The following RBM20 variants were observed in gnomAD, a reference collection of about 807,000 sequenced individuals.
RBM20 encodes the protein RNA-binding protein 20.
In RBM20, 51 loss-of-function variants were observed where a neutral mutation model predicts 110.1. That is an observed-to-expected ratio of 0.46 (90% CI 0.37 to 0.59). The LOEUF (loss-of-function observed/expected upper bound fraction) is 0.59, where lower values mean the gene tolerates loss of function less well. Ranked by LOEUF, RBM20 falls within the 20% of genes least tolerant of loss-of-function variation. The probability of loss-of-function intolerance (pLI) is 0.00; values close to 1 mark genes in which losing one functional copy is unlikely to be tolerated. For synonymous variants in RBM20, 589 were observed against 618.2 expected (o/e 0.95, Z 0.70); for missense variants, 1,512 against 1,574.9 (o/e 0.96, Z 0.68).
chr10:110,670,518 A>C (rs1486118709), intron 1 of RBM20, among the ~76,000 whole-genome samples: 1 of 152,196 alleles, frequency 6.6e-6, no homozygotes, highest in Non-Finnish European at 1.5e-5. Flanking sequence ...ATTTGTGGGC[A>C]TTGATGCTAG....
intron 1 of RBM20, among the ~76,000 whole-genome samples, chr10:110,684,424 C>A (rs10885015): frequency 0.66 from 99,501 of 151,116 alleles, 35,605 homozygotes; most frequent in Non-Finnish European, 0.79. Flanking sequence ...CAAAACAAAA[C>A]AAAAGAAAAA....
chr10:110,654,354 C>T (rs567234499), intron 1 of RBM20, among the ~76,000 whole-genome samples: 1 of 152,312 alleles, frequency 6.6e-6, no homozygotes, highest in East Asian at 1.9e-4. Context: ...GGACTTGATC[C>T]ATGGGTCAGC....
chr10:110,787,495 G>C (rs1844433603), intron 5 of RBM20, among the ~76,000 whole-genome samples: 1 of 152,234 alleles, frequency 6.6e-6, no homozygotes. Context: ...GCTGGCCATA[G>C]GATTTTGTCC....
chr10:110,775,274 G>C (rs553239895), intron 1 of RBM20, among the ~76,000 whole-genome samples: 17 of 152,290 alleles, frequency 1.1e-4, no homozygotes, highest in African/African-American at 4.1e-4. Flanking sequence ...AAGAAATGGC[G>C]CATTCACCAC....
At chr10:110,653,337 C>T (rs891836518) in intron 1 of RBM20, among the ~76,000 whole-genome samples, 3 of 152,134 alleles carry the variant, frequency 2.0e-5, no homozygotes, top group African/African-American at 4.8e-5. Flanking sequence ...CCTTGCTTTG[C>T]GGGGACTATA....
intron 1 of RBM20, among the ~76,000 whole-genome samples, chr10:110,732,229 A>G (rs762039014): frequency 1.3e-4 from 19 of 151,392 alleles, no homozygotes; most frequent in Non-Finnish European, 2.7e-4. Context: ...ACTTTTTTCT[A>G]TTCCCCTGTC....
intron 9 of RBM20, among the ~76,000 whole-genome samples, chr10:110,819,295 A>ATT (rs1554843374): frequency 1.3e-5 from 2 of 152,230 alleles, no homozygotes; most frequent in Non-Finnish European, 2.9e-5. Context: ...AAAATTGAGG[A>ATT]TTTTATGTAG....
intron 7 of RBM20, among the ~76,000 whole-genome samples, chr10:110,800,453 C>T (rs761120412): frequency 2.0e-5 from 3 of 152,190 alleles, no homozygotes; most frequent in Admixed American, 6.5e-5. Context: ...AGCTGATCTA[C>T]GTTTCTTTCT....
At chr10:110,690,646 G>C (rs966736257) in intron 1 of RBM20, among the ~76,000 whole-genome samples, 1 of 152,056 alleles carries the variant, frequency 6.6e-6, no homozygotes, top group South Asian at 2.1e-4. Flanking sequence ...TACAATATTT[G>C]TCCTTTTTGT....
At chr10:110,803,088 T>C (rs1844650596) in intron 7 of RBM20, among the ~76,000 whole-genome samples, 1 of 152,220 alleles carries the variant, frequency 6.6e-6, no homozygotes, top group Admixed American at 6.5e-5. Flanking sequence ...AACAATAATG[T>C]ATACCTTTAA....
At chr10:110,823,178 A>C (rs996459705) in intron 11 of RBM20, among the ~76,000 whole-genome samples, 1 of 151,000 alleles carries the variant, frequency 6.6e-6, no homozygotes, top group Non-Finnish European at 1.5e-5. Flanking sequence ...GATGGGAGGC[A>C]TGGGGGGTGG....
At chr10:110,719,234 G>A (rs553371218) in intron 1 of RBM20, among the ~76,000 whole-genome samples, 29 of 152,346 alleles carry the variant, frequency 1.9e-4, no homozygotes, top group African/African-American at 6.7e-4. Flanking sequence ...CACCAACACC[G>A]AAGGTGAGCC....
rs1464719580 is a variant in RBM20 at position 110,650,249 on chromosome 10, G to C, written c.191+5604G>C. Among the ~76,000 whole-genome samples the C allele has an allele frequency of 2.0e-5, 3 of 152,184 alleles. No homozygotes were observed. In the East Asian group the frequency reaches 5.8e-4, roughly 29 times the overall value. The stretch of plus-strand genomic sequence containing the variant: ...ACTCTTTACCGCGGTGGAAGTTACA[G>C]TCAAGTTGATTGATCTTCCTCTTCC... On this transcript the variant is annotated intron_variant, in intron 1 of 13. Transcript: ENST00000369519.
At chr10:110,697,088 T>G (rs61048107) in intron 1 of RBM20, among the ~76,000 whole-genome samples, 44,977 of 152,160 alleles carry the variant, frequency 0.3, 6,808 homozygotes, top group East Asian at 0.34. Context: ...GGCTCAGGCT[T>G]GATATGACTT....
At chr10:110,773,655 C>CCT (rs1844222657) in intron 1 of RBM20, among the ~76,000 whole-genome samples, 1 of 152,170 alleles carries the variant, frequency 6.6e-6, no homozygotes, top group African/African-American at 2.4e-5. Flanking sequence ...TGACATTAAT[C>CCT]CTCTGCTTTA....
At chr10:110,807,841 T>C (rs1281616128) in intron 7 of RBM20, among the ~76,000 whole-genome samples, 2 of 152,262 alleles carry the variant, frequency 1.3e-5, no homozygotes, top group East Asian at 3.8e-4. Flanking sequence ...AATTGCCATA[T>C]ACATTTATGC....
intron 7 of RBM20, among the ~76,000 whole-genome samples, chr10:110,801,281 G>C (rs113810012): frequency 6.6e-6 from 1 of 151,986 alleles, no homozygotes; most frequent in African/African-American, 2.4e-5. Flanking sequence ...ACAAAAATTA[G>C]CCAGGCGTGG....
At chr10:110,750,857 C>CGATG (rs1449452600) in intron 1 of RBM20, among the ~76,000 whole-genome samples, 3 of 152,228 alleles carry the variant, frequency 2.0e-5, no homozygotes, top group Non-Finnish European at 4.4e-5. Context: ...AGGAAGGGTG[C>CGATG]GATGGGTCTC....
intron 1 of RBM20, among the ~76,000 whole-genome samples, chr10:110,751,450 A>G (rs1211599508): frequency 6.6e-6 from 1 of 152,200 alleles, no homozygotes; most frequent in Non-Finnish European, 1.5e-5. Context: ...CATGCCCCCC[A>G]TGTCTTTTGC....
Sources: gnomAD v4.1 joint callset for allele counts (sites outside exome capture counted in the v4.1 genomes callset) on GRCh38, gnomAD v4.1.1 for gene constraint, MANE v1.5 for transcripts, NCBI Gene and HGNC (gene_info 2026-07-23, HGNC 2026-07-21) for gene names.